The following RANBP2 variants were observed in gnomAD, a reference collection of about 807,000 sequenced individuals.
The protein encoded by RANBP2 is RAN binding protein 2.
RANBP2 carries 57 observed loss-of-function variants against 303.6 expected under a neutral mutation model. The ratio of observed to expected loss-of-function variants is 0.19; its 90% confidence interval spans 0.15 to 0.23. The LOEUF is 0.23. Ranked by LOEUF, RANBP2 falls within the 10% of genes least tolerant of loss-of-function variation. RANBP2 has a pLI of 1.00. For missense variants in RANBP2, 3,138 were observed against 3,780.8 expected, an observed-to-expected ratio of 0.83 and a Z score of 4.46; for synonymous variants, 1,167 against 1,301.5, an observed-to-expected ratio of 0.90 and a Z score of 2.23.
the RANBP2 span, among the ~76,000 whole-genome samples, chr2:109,239,733 T>C: frequency 3.3e-5 from 5 of 152,164 alleles, no homozygotes; most frequent in Non-Finnish European, 4.4e-5. Context: ...CCAGCTTAAA[T>C]GGAGCCACCT....
chr2:109,306,060 G>A, the RANBP2 span, among the ~76,000 whole-genome samples: 2 of 152,228 alleles, frequency 1.3e-5, no homozygotes, highest in East Asian at 3.8e-4. Flanking sequence ...TACTGGCAGC[G>A]ACAGTGGGAT....
At chr2:109,274,970 A>G in the RANBP2 span, among the ~76,000 whole-genome samples, 3 of 152,168 alleles carry the variant, frequency 2.0e-5, no homozygotes, top group Non-Finnish European at 4.4e-5. Flanking sequence ...ATTTCCTGTT[A>G]TATGAATTTT....
the RANBP2 span, among the ~76,000 whole-genome samples, chr2:109,513,805 G>T: frequency 1.3e-5 from 2 of 152,196 alleles, no homozygotes; most frequent in African/African-American, 4.8e-5. Flanking sequence ...GGCCAGGGGT[G>T]TAGGGGATTG....
At chr2:108,749,187 A>C in intron 9 of RANBP2, 58 bp downstream of exon 9, 1 of 1,610,160 alleles carries the variant, frequency 6.2e-7, no homozygotes, top group Non-Finnish European at 8.5e-7. Context: ...AATTGCCCAT[A>C]ATCTTATTAC....
intron 1 of RANBP2, among the ~76,000 whole-genome samples, chr2:108,727,808 G>T (rs1694849051): frequency 6.6e-6 from 1 of 151,926 alleles, no homozygotes; most frequent in African/African-American, 2.4e-5. Flanking sequence ...TCTGCATGTT[G>T]GCCAGGCTGG....
chr2:109,135,687 G>GTGAGTCTGAT, the RANBP2 span, among the ~76,000 whole-genome samples: 1 of 152,084 alleles, frequency 6.6e-6, no homozygotes, highest in Non-Finnish European at 1.5e-5. Flanking sequence ...TGTGTGTGTT[G>GTGAGTCTGAT]TGAGTCTGAT....
chr2:109,484,347 A>G, the RANBP2 span, among the ~76,000 whole-genome samples: 12 of 152,234 alleles, frequency 7.9e-5, no homozygotes, highest in South Asian at 1.0e-3. Flanking sequence ...GATTACAGGC[A>G]TGAGCCACCC....
intron 18 of RANBP2, among the ~76,000 whole-genome samples, chr2:108,761,175 A>C (rs1165380717): frequency 6.8e-6 from 1 of 147,486 alleles, no homozygotes; most frequent in African/African-American, 2.5e-5. Context: ...GCAAGACTTT[A>C]AGATTCTTGG....
chr2:109,482,879 T>G, the RANBP2 span, among the ~76,000 whole-genome samples: 1 of 152,246 alleles, frequency 6.6e-6, no homozygotes, highest in South Asian at 2.1e-4. Flanking sequence ...TGCCTCCCGT[T>G]CCCTGCTATT....
At chr2:108,756,668 C>A (rs910694882) in intron 17 of RANBP2, among the ~76,000 whole-genome samples, 13 of 152,188 alleles carry the variant, frequency 8.5e-5, no homozygotes, top group Non-Finnish European at 1.3e-4. Flanking sequence ...GTGGAAGTAT[C>A]GTGGAGCACT....
At chr2:108,987,283 G>A in the RANBP2 span, among the ~76,000 whole-genome samples, 1,487 of 152,336 alleles carry the variant, frequency 9.8e-3, 19 homozygotes, top group Middle Eastern at 0.02. Context: ...TTCCATCTGT[G>A]GGCCTATGAG....
the RANBP2 span, among the ~76,000 whole-genome samples, chr2:109,441,391 A>G: frequency 6.6e-6 from 1 of 152,216 alleles, no homozygotes; most frequent in Non-Finnish European, 1.5e-5. Flanking sequence ...TAAAAACTAC[A>G]GTGTGTGAGA....
At chr2:109,453,568 C>A in the RANBP2 span, among the ~76,000 whole-genome samples, 1 of 152,124 alleles carries the variant, frequency 6.6e-6, no homozygotes, top group Non-Finnish European at 1.5e-5. Context: ...GCATCCCTAA[C>A]CACCCGACCG....
the RANBP2 span, chr2:109,129,299 C>G: frequency 1.4e-6 from 1 of 732,678 alleles, no homozygotes; most frequent in Non-Finnish European, 2.2e-6. Context: ...GCCGCAGGCG[C>G]TGCGCTCAGG....
At chr2:109,662,781 T>A in the RANBP2 span, among the ~76,000 whole-genome samples, 1 of 152,298 alleles carries the variant, frequency 6.6e-6, no homozygotes, top group South Asian at 2.1e-4. Context: ...CTCATTGGTA[T>A]CTGCTTCTCA....
the RANBP2 span, among the ~76,000 whole-genome samples, chr2:109,092,302 G>T: frequency 6.6e-6 from 1 of 152,124 alleles, no homozygotes; most frequent in African/African-American, 2.4e-5. Context: ...TTTGCCCAGA[G>T]ACCCCATTGT....
chr2:109,721,814 T>C, the RANBP2 span, among the ~76,000 whole-genome samples: 1 of 152,184 alleles, frequency 6.6e-6, no homozygotes, highest in Non-Finnish European at 1.5e-5. Flanking sequence ...AAGGTGGCCC[T>C]ACAACGAGGG....
At chr2:109,103,943 G>T in the RANBP2 span, among the ~76,000 whole-genome samples, 2 of 151,790 alleles carry the variant, frequency 1.3e-5, no homozygotes, top group Admixed American at 1.3e-4. Context: ...ACAGGCGCCC[G>T]CCACCACACC....
At chr2:109,555,861 G>C in the RANBP2 span, among the ~76,000 whole-genome samples, 1 of 152,158 alleles carries the variant, frequency 6.6e-6, no homozygotes, top group South Asian at 2.1e-4. Flanking sequence ...TTTCTTGTAA[G>C]TTTTCATTTC....
Sources: allele counts gnomAD v4.1 joint callset (sites outside exome capture counted in the v4.1 genomes callset), GRCh38; gene constraint gnomAD v4.1.1; transcripts MANE v1.5; gene names NCBI Gene and HGNC (gene_info 2026-07-23, HGNC 2026-07-21).